Variants in ARHGAP8 observed in about 807,000 individuals in gnomAD.
ARHGAP8 encodes Rho GTPase activating protein 8, also known as rho GTPase-activating protein 8.
In ARHGAP8, 62 loss-of-function variants were observed where a neutral mutation model predicts 46.1. The observed-to-expected ratio is 1.34, with a 90% confidence interval of 1.10 to 1.66. The LOEUF is 1.66. Among genes scored for constraint, ARHGAP8 ranks in the 40% most tolerant of loss-of-function variants. The probability of loss-of-function intolerance (pLI) is 0.00; values close to 1 mark genes in which losing one functional copy is unlikely to be tolerated. For missense variants in ARHGAP8, 923 were observed against 568.4 expected (o/e 1.62, Z -6.34); for synonymous variants, 375 against 243.1 (o/e 1.54, Z -5.05).
intron 10 of ARHGAP8, 47 bp downstream of exon 10, chr22:44,849,107 G>A: frequency 6.2e-7 from 1 of 1,609,424 alleles, no homozygotes; most frequent in Admixed American, 1.7e-5. Flanking sequence ...GTCCTCAGAT[G>A]CTGTCCCCCA....
At chr22:44,827,502 C>T (rs1010714352) in intron 7 of ARHGAP8, among the ~76,000 whole-genome samples, 1 of 151,970 alleles carries the variant, frequency 6.6e-6, no homozygotes, top group Non-Finnish European at 1.5e-5. Context: ...ACCGCCATGC[C>T]TGGCTAATGT....
intron 7 of ARHGAP8, among the ~76,000 whole-genome samples, chr22:44,841,182 G>A (rs1569174078): frequency 6.6e-6 from 1 of 152,198 alleles, no homozygotes; most frequent in African/African-American, 2.4e-5. Flanking sequence ...CCAAGTCAAC[G>A]TTAAGATTCA....
At chr22:44,858,629 C>T (rs539810268) in intron 10 of ARHGAP8, among the ~76,000 whole-genome samples, 1 of 150,120 alleles carries the variant, frequency 6.7e-6, no homozygotes, top group African/African-American at 2.5e-5. Context: ...CCTCGGCCTC[C>T]CAAAGTGTTG....
chr22:44,766,263 G>C (rs557055455), intron 1 of ARHGAP8: 1 of 152,994 alleles, frequency 6.5e-6, no homozygotes, highest in African/African-American at 2.4e-5. Flanking sequence ...CATGTACCTG[G>C]TGTGAGAGGT....
intron 1 of ARHGAP8, among the ~76,000 whole-genome samples, chr22:44,753,137 A>C (rs773437012): frequency 2.0e-5 from 3 of 151,882 alleles, no homozygotes; most frequent in African/African-American, 4.8e-5. Flanking sequence ...AGGCCGGGGC[A>C]GGTGCTGCGC....
chr22:44,859,948 GC>G, intron 11 of ARHGAP8, 114 bp downstream of exon 11: 8 of 1,255,270 alleles, frequency 6.4e-6, no homozygotes, highest in Non-Finnish European at 8.7e-6. Flanking sequence ...CCCTGCTTGG[GC>G]CTCGGAATAC....
At chr22:44,841,370 G>T (rs1022128461) in intron 7 of ARHGAP8, among the ~76,000 whole-genome samples, 1 of 152,116 alleles carries the variant, frequency 6.6e-6, no homozygotes, top group Non-Finnish European at 1.5e-5. Flanking sequence ...TGCCCACCCT[G>T]GGAGGCAGGT....
intron 2 of ARHGAP8, among the ~76,000 whole-genome samples, chr22:44,797,217 C>CTTT (rs370851544): frequency 0.16 from 20,945 of 127,636 alleles, 1,945 homozygotes; most frequent in East Asian, 0.43. Context: ...TGCTACTTGG[C>CTTT]TTTTTTTTTT....
At chr22:44,842,871 G>C (rs986980427) in intron 7 of ARHGAP8, among the ~76,000 whole-genome samples, 2 of 152,194 alleles carry the variant, frequency 1.3e-5, no homozygotes, top group African/African-American at 4.8e-5. Flanking sequence ...GCAAGGCCAG[G>C]GAGACCCAGT....
chr22:44,812,246 C>T (rs563618868), intron 4 of ARHGAP8, among the ~76,000 whole-genome samples: 1 of 152,196 alleles, frequency 6.6e-6, no homozygotes, highest in South Asian at 2.1e-4. Context: ...ACTGGAAGCT[C>T]AGTCTCAGGG....
chr22:44,785,150 C>CA (rs1927125170), intron 1 of ARHGAP8, among the ~76,000 whole-genome samples: 2 of 152,204 alleles, frequency 1.3e-5, no homozygotes, highest in African/African-American at 4.8e-5. Flanking sequence ...GAGTGAATCT[C>CA]AAACCTGACT....
chr22:44,831,551 G>A (rs1930947179), intron 7 of ARHGAP8, among the ~76,000 whole-genome samples: 1 of 152,144 alleles, frequency 6.6e-6, no homozygotes, highest in African/African-American at 2.4e-5. Context: ...ACAAAAAAAT[G>A]TGCTGGGCAT....
intron 2 of ARHGAP8, among the ~76,000 whole-genome samples, chr22:44,793,472 G>A (rs549679016): frequency 6.6e-6 from 1 of 152,128 alleles, no homozygotes; most frequent in Non-Finnish European, 1.5e-5. Flanking sequence ...CCTGCAGCAC[G>A]CAGGCCTAAA....
chr22:44,833,344 G>GTGGTTGGTTGGT (rs150439071), intron 7 of ARHGAP8, among the ~76,000 whole-genome samples: 9 of 151,694 alleles, frequency 5.9e-5, no homozygotes, highest in Non-Finnish European at 1.0e-4. Context: ...AGTTTGTTGA[G>GTGGTTGGTTGGT]TGGTTGGTTG....
chr22:44,768,904 G>A (rs1332409867), intron 1 of ARHGAP8, among the ~76,000 whole-genome samples: 2 of 150,340 alleles, frequency 1.3e-5, no homozygotes, highest in Admixed American at 6.7e-5. Flanking sequence ...GCGCGATCTC[G>A]GCTCACCGCA....
At chr22:44,782,685 G>A (rs117337720) in intron 1 of ARHGAP8, among the ~76,000 whole-genome samples, 3,114 of 152,234 alleles carry the variant, frequency 0.02, 57 homozygotes, top group East Asian at 0.097. Context: ...ATCCTGTTAC[G>A]GCTGAGTAAT....
At chr22:44,797,979 A>ATT (rs36101080) in intron 2 of ARHGAP8, among the ~76,000 whole-genome samples, 3,098 of 128,584 alleles carry the variant, frequency 0.024, 102 homozygotes, top group African/African-American at 0.077. Context: ...GGCCAATAAG[A>ATT]TTTTTTTTTT....
At chr22:44,825,990 A>G (rs1038455010) in intron 7 of ARHGAP8, among the ~76,000 whole-genome samples, 233 of 148,404 alleles carry the variant, frequency 1.6e-3, no homozygotes, top group African/African-American at 5.5e-3. Flanking sequence ...TGGGTAGTGG[A>G]TGGGGGTCTC....
Position 44,825,543 on chromosome 22 carries a change from A to T in ARHGAP8, c.546A>T (p.Pro182=), listed in dbSNP as rs3209476. The T allele has an allele frequency of 0.18, 296,519 of 1,612,842 alleles. 28,408 individuals are homozygous for T. Among genetic ancestry groups the T allele is most frequent in the South Asian group, 0.22 (20,443 of 90,984 alleles). ...EGRTPPPTKT[P]PPRPPLPTQQ... The stretch of plus-strand genomic sequence containing the variant: ...GGACGCCGCCTCCCACCAAGACACC[A>T]CCGCCGCGGCCCCCGCTGCCCACAC... The change falls in exon 7 of 12, where the codon CCA becomes CCT. Residue 182 remains proline (P), a synonymous_variant. Transcript: ENST00000356099.
Sources: gnomAD v4.1 joint callset for allele counts (sites outside exome capture counted in the v4.1 genomes callset) on GRCh38, gnomAD v4.1.1 for gene constraint, MANE v1.5 for transcripts, NCBI Gene and HGNC (gene_info 2026-07-23, HGNC 2026-07-21) for gene names.